Variants in AXDND1 observed in about 807,000 individuals in gnomAD.
The protein encoded by AXDND1 is axonemal dynein light chain domain-containing protein 1.
Under a neutral mutation model 137.5 loss-of-function variants are expected in AXDND1, and 110 were observed. The ratio of observed to expected loss-of-function variants is 0.80; its 90% confidence interval spans 0.69 to 0.94. AXDND1 has a LOEUF of 0.94. Ranked by LOEUF, AXDND1 falls within the 40% of genes least tolerant of loss-of-function variation. The probability of loss-of-function intolerance (pLI) is 0.00; values close to 1 mark genes in which losing one functional copy is unlikely to be tolerated. For missense variants in AXDND1, 1,191 were observed against 1,169.8 expected (o/e 1.02, Z -0.26); for synonymous variants, 414 against 399.7 (o/e 1.04, Z -0.43).
intron 20 of AXDND1, among the ~76,000 whole-genome samples, chr1:179,503,301 G>A (rs1274317445): frequency 6.6e-6 from 1 of 151,834 alleles, no homozygotes; most frequent in African/African-American, 2.4e-5. Context: ...TTTTTGAACA[G>A]TTTTATAACT....
chr1:179,457,036 G>A (rs1661505595), intron 16 of AXDND1: 14 of 1,515,400 alleles, frequency 9.2e-6, no homozygotes, highest in Non-Finnish European at 1.3e-5. Flanking sequence ...CAGTTAAGTG[G>A]GCACCTGGTC....
chr1:179,533,725 C>A, intron 23 of AXDND1, 70 bp from the exon 24 acceptor site: 1 of 1,189,778 alleles, frequency 8.4e-7, no homozygotes, highest in Non-Finnish European at 1.2e-6. Context: ...TGATCCAGAA[C>A]ATCCTAAAAA....
intron 4 of AXDND1, among the ~76,000 whole-genome samples, chr1:179,378,376 A>G (rs999130231): frequency 6.6e-6 from 1 of 152,176 alleles, no homozygotes; most frequent in Non-Finnish European, 1.5e-5. Flanking sequence ...GCCATAGGAA[A>G]GAGAATATAT....
At position 179,415,829 on chromosome 1, in the gene AXDND1, C is replaced by T. The variant is rs182275343; in HGVS notation, c.1230+4563C>T. Among the ~76,000 whole-genome samples, 16 of 152,138 alleles carry T rather than the reference C, an allele frequency of 1.1e-4. No homozygotes were observed. The South Asian group carries it at 1.7e-3, about 16-fold the overall frequency. ...GTGCCATTCTCCTGCCTCAGCCTCC[C>T]GAGTAGCAGGGTACATCTTATAATT... On this transcript the variant is annotated intron_variant, in intron 12 of 25. Coordinates refer to ENST00000367618, the MANE Select transcript of AXDND1 (RefSeq NM_144696.6).
chr1:179,552,708 A>C (rs1190878534), intron 25 of AXDND1: 1 of 1,584,994 alleles, frequency 6.3e-7, no homozygotes, highest in Admixed American at 1.7e-5. Flanking sequence ...GCAGGTATGT[A>C]GGTGTGCAGC....
chr1:179,419,243 C>T (rs1046975603), intron 12 of AXDND1, among the ~76,000 whole-genome samples: 11 of 152,076 alleles, frequency 7.2e-5, no homozygotes, highest in African/African-American at 2.6e-4. Context: ...GCAATCTCGG[C>T]TCTTTGGGAG....
intron 9 of AXDND1, among the ~76,000 whole-genome samples, chr1:179,391,526 TTTATTTAC>T (rs1225873309): frequency 0.014 from 786 of 55,122 alleles, 7 homozygotes; most frequent in African/African-American, 0.039. Context: ...TATTTATTTA[TTTATTTAC>T]TTATTTATTT....
intron 11 of AXDND1, among the ~76,000 whole-genome samples, chr1:179,402,424 A>C (rs1010383727): frequency 1.3e-5 from 2 of 152,146 alleles, no homozygotes; most frequent in Non-Finnish European, 2.9e-5. Context: ...AAGAGAACTT[A>C]AGCTGTCACC....
intron 13 of AXDND1, 144 bp downstream of exon 13, chr1:179,429,763 G>A: frequency 2.3e-6 from 1 of 435,664 alleles, no homozygotes; most frequent in Non-Finnish European, 3.9e-6. Context: ...AAATCTATGG[G>A]AAGGTGAATA....
At chr1:179,397,839 C>G (rs12760048) in intron 11 of AXDND1, among the ~76,000 whole-genome samples, 44,297 of 152,016 alleles carry the variant, frequency 0.29, 6,645 homozygotes, top group Non-Finnish European at 0.31. Flanking sequence ...GCTCTATCAG[C>G]CCAGTTACAG....
chr1:179,490,304 A>G (rs1666725218), intron 18 of AXDND1, among the ~76,000 whole-genome samples: 1 of 152,132 alleles, frequency 6.6e-6, no homozygotes. Context: ...CTAGAGAAAT[A>G]CTCCAGAACT....
At chr1:179,553,397 C>T (rs923377443) in intron 25 of AXDND1, among the ~76,000 whole-genome samples, 1 of 152,196 alleles carries the variant, frequency 6.6e-6, no homozygotes, top group Non-Finnish European at 1.5e-5. Context: ...GTGGTATAGC[C>T]TCACAATGAA....
intron 15 of AXDND1, among the ~76,000 whole-genome samples, chr1:179,441,667 ACTCC>A (rs1413173633): frequency 6.6e-6 from 1 of 151,894 alleles, no homozygotes; most frequent in Non-Finnish European, 1.5e-5. Flanking sequence ...TTGTACTGGG[ACTCC>A]CTCTTCAGGA....
chr1:179,464,324 T>C (rs892221476), intron 16 of AXDND1, among the ~76,000 whole-genome samples: 1 of 152,222 alleles, frequency 6.6e-6, no homozygotes, highest in African/African-American at 2.4e-5. Context: ...TGATAAAATC[T>C]CTCAGCATTT....
intron 6 of AXDND1, among the ~76,000 whole-genome samples, chr1:179,379,919 G>T (rs945749137): frequency 6.6e-6 from 1 of 151,846 alleles, no homozygotes; most frequent in Non-Finnish European, 1.5e-5. Flanking sequence ...ACTGAAATGA[G>T]GAAACATTTG....
chr1:179,539,941 A>G (rs190797704), intron 25 of AXDND1, among the ~76,000 whole-genome samples: 22 of 151,100 alleles, frequency 1.5e-4, no homozygotes, highest in African/African-American at 3.2e-4. Context: ...TATTAATTTG[A>G]TCTTCAATCA....
chr1:179,378,792 CTCTG>C (rs774088309), intron 5 of AXDND1, 35 bp downstream of exon 5: 28 of 1,417,578 alleles, frequency 2.0e-5, no homozygotes, highest in East Asian at 1.5e-4. Flanking sequence ...TCTTCTCTCC[CTCTG>C]TCTACTTTTA....
intron 20 of AXDND1, among the ~76,000 whole-genome samples, chr1:179,502,194 T>C (rs904989616): frequency 1.3e-5 from 2 of 152,236 alleles, no homozygotes; most frequent in African/African-American, 2.4e-5. Flanking sequence ...GACATACTTA[T>C]GAAAAGCTGC....
intron 18 of AXDND1, among the ~76,000 whole-genome samples, chr1:179,486,119 CAAAAAAAAAAA>C (rs1173009992): frequency 4.4e-5 from 1 of 22,646 alleles, no homozygotes; most frequent in Non-Finnish European, 9.6e-5. Flanking sequence ...AACTCTGTCT[CAAAAAAAAAAA>C]AAAAAAAAAA....
Sources: allele counts gnomAD v4.1 joint callset (sites outside exome capture counted in the v4.1 genomes callset), GRCh38; gene constraint gnomAD v4.1.1; transcripts MANE v1.5; gene names NCBI Gene and HGNC (gene_info 2026-07-23, HGNC 2026-07-21).